The following PCDH15 variants were observed in gnomAD, a reference collection of about 807,000 sequenced individuals.
The protein encoded by PCDH15 is protocadherin related 15.
A neutral mutation model predicts 178.5 loss-of-function variants in PCDH15; 129 were observed. The observed-to-expected ratio is 0.72, with a 90% CI of 0.63 to 0.84. PCDH15 has a LOEUF of 0.84. Among genes scored for constraint, PCDH15 ranks in the 40% least tolerant of loss-of-function variants. The pLI is 0.00. For synonymous variants in PCDH15, 800 were observed against 732.0 expected (o/e 1.09, Z -1.50); for missense variants, 2,230 against 2,099.9 (o/e 1.06, Z -1.21).
chr10:54,708,997 T>C (rs1191392687), intron 1 of PCDH15, among the ~76,000 whole-genome samples: 1 of 152,188 alleles, frequency 6.6e-6, no homozygotes, highest in African/African-American at 2.4e-5. Context: ...AGACATCATG[T>C]TGTAAAGTGA....
chr10:55,347,703 G>A (rs1844800043), intron 2 of PCDH15, among the ~76,000 whole-genome samples: 1 of 151,996 alleles, frequency 6.6e-6, no homozygotes, highest in African/African-American at 2.4e-5. Flanking sequence ...TATTTCATTG[G>A]TGAATTTCTA....
At chr10:53,894,184 C>A (rs1197229622) in intron 26 of PCDH15, among the ~76,000 whole-genome samples, 2 of 152,118 alleles carry the variant, frequency 1.3e-5, no homozygotes, top group Non-Finnish European at 1.5e-5. Context: ...GTAGGAAAAT[C>A]ATGCACACAG....
chr10:54,726,423 T>TGTGTGG (rs1431414088), intron 1 of PCDH15, among the ~76,000 whole-genome samples: 6 of 65,612 alleles, frequency 9.1e-5, no homozygotes, highest in African/African-American at 5.2e-4. Flanking sequence ...ATCAGGGGTG[T>TGTGTGG]GTGTGTGTGT....
intron 18 of PCDH15, among the ~76,000 whole-genome samples, chr10:54,036,967 C>A (rs1289506661): frequency 1.3e-5 from 2 of 151,758 alleles, no homozygotes; most frequent in Non-Finnish European, 2.9e-5. Context: ...CTGAGAGGTT[C>A]AAGAGAGGTT....
At chr10:55,401,594 C>CTGTGTGTG (rs3074786) in intron 2 of PCDH15, among the ~76,000 whole-genome samples, 9,117 of 133,054 alleles carry the variant, frequency 0.069, 385 homozygotes, top group African/African-American at 0.094. Flanking sequence ...ATTTGCCTTA[C>CTGTGTGTG]TGTGTGTGTG....
At chr10:53,813,207 T>A (rs1409665668) in intron 35 of PCDH15, among the ~76,000 whole-genome samples, 1 of 152,184 alleles carries the variant, frequency 6.6e-6, no homozygotes, top group East Asian at 1.9e-4. Context: ...CCAACGACAC[T>A]TTTCTACATT....
intron 2 of PCDH15, among the ~76,000 whole-genome samples, chr10:54,917,222 G>A (rs1320882227): frequency 6.6e-6 from 1 of 152,132 alleles, no homozygotes; most frequent in Non-Finnish European, 1.5e-5. Context: ...GTGTTTAGTA[G>A]ACATGAAATT....
At chr10:55,057,516 G>A (rs1017806224) in intron 2 of PCDH15, among the ~76,000 whole-genome samples, 29 of 151,976 alleles carry the variant, frequency 1.9e-4, no homozygotes, top group African/African-American at 6.5e-4. Flanking sequence ...TCCTTTCCTG[G>A]TTCCCTGACA....
At chr10:54,631,029 T>C (rs1314327488) in intron 2 of PCDH15, among the ~76,000 whole-genome samples, 1 of 152,184 alleles carries the variant, frequency 6.6e-6, no homozygotes, top group African/African-American at 2.4e-5. Context: ...ATACTTTGAA[T>C]ATATGTCCCT....
At chr10:54,925,264 C>T (rs1180787714) in intron 2 of PCDH15, among the ~76,000 whole-genome samples, 1 of 152,016 alleles carries the variant, frequency 6.6e-6, no homozygotes. Flanking sequence ...AGGTGTGTGG[C>T]CACATTTCTG....
intron 2 of PCDH15, among the ~76,000 whole-genome samples, chr10:55,366,365 A>T (rs1333562734): frequency 6.6e-6 from 1 of 152,166 alleles, no homozygotes; most frequent in African/African-American, 2.4e-5. Flanking sequence ...TTATTTGTAG[A>T]AAATTATAAA....
intron 18 of PCDH15, among the ~76,000 whole-genome samples, chr10:54,046,721 C>T (rs544724207): frequency 3.3e-5 from 5 of 152,072 alleles, no homozygotes; most frequent in Non-Finnish European, 7.4e-5. Flanking sequence ...GCATTCTATA[C>T]CTGATTTGGA....
chr10:54,734,004 G>T (rs1943747592), intron 1 of PCDH15, among the ~76,000 whole-genome samples: 1 of 149,250 alleles, frequency 6.7e-6, no homozygotes, highest in Non-Finnish European at 1.5e-5. Context: ...AAAAAACAAA[G>T]AAAATTTGGA....
intron 3 of PCDH15, among the ~76,000 whole-genome samples, chr10:54,835,312 A>G (rs1953297456): frequency 6.6e-6 from 1 of 152,114 alleles, no homozygotes; most frequent in Admixed American, 6.6e-5. Flanking sequence ...CAAATTTGTC[A>G]TTTATTATAT....
At chr10:55,066,877 A>AT (rs546312184) in intron 2 of PCDH15, among the ~76,000 whole-genome samples, 1 of 151,766 alleles carries the variant, frequency 6.6e-6, no homozygotes, top group Non-Finnish European at 1.5e-5. Flanking sequence ...TATGCTTAAT[A>AT]TTTTTTATAC....
At chr10:55,400,148 C>T (rs1021652511) in intron 2 of PCDH15, among the ~76,000 whole-genome samples, 2 of 152,038 alleles carry the variant, frequency 1.3e-5, no homozygotes, top group African/African-American at 4.8e-5. Context: ...GACCCCAAAC[C>T]TGGTCATCTT....
At chr10:55,533,789 A>G (rs1841510285) in intron 2 of PCDH15, among the ~76,000 whole-genome samples, 1 of 152,134 alleles carries the variant, frequency 6.6e-6, no homozygotes, top group Admixed American at 6.6e-5. Context: ...TTCTAAGCAA[A>G]TAGAACAAAG....
intron 14 of PCDH15, among the ~76,000 whole-genome samples, chr10:54,145,535 C>G (rs934750576): frequency 6.6e-6 from 1 of 152,016 alleles, no homozygotes; most frequent in Non-Finnish European, 1.5e-5. Flanking sequence ...AGAGCAAAAA[C>G]TTCACATTGA....
At chr10:55,472,790 C>A (rs749805151) in intron 2 of PCDH15, among the ~76,000 whole-genome samples, 11 of 152,042 alleles carry the variant, frequency 7.2e-5, no homozygotes, top group Non-Finnish European at 1.3e-4. Flanking sequence ...GGATGGCCTC[C>A]ATCTCCTGAC....
Sources: gnomAD v4.1 joint callset for allele counts (sites outside exome capture counted in the v4.1 genomes callset) on GRCh38, gnomAD v4.1.1 for gene constraint, MANE v1.5 for transcripts, NCBI Gene and HGNC (gene_info 2026-07-23, HGNC 2026-07-21) for gene names.